The following SORCS3 variants were observed in gnomAD, a reference collection of about 807,000 sequenced individuals.
SORCS3 encodes the protein sortilin related VPS10 domain containing receptor 3, also known as VPS10 domain-containing receptor SorCS3.
Under a neutral mutation model 146.3 loss-of-function variants are expected in SORCS3, and 57 were observed. That is an observed-to-expected ratio of 0.39 (90% CI 0.31 to 0.49). SORCS3 has a LOEUF of 0.49. Ranked by LOEUF, SORCS3 falls within the 20% of genes least tolerant of loss-of-function variation. The probability of loss-of-function intolerance (pLI) is 0.92; values close to 1 mark genes in which losing one functional copy is unlikely to be tolerated. For synonymous variants in SORCS3, 653 were observed against 618.5 expected (o/e 1.06, Z -0.83); for missense variants, 1,341 against 1,575.5 (o/e 0.85, Z 2.52).
chr10:105,172,978 A>G (rs980267974), intron 13 of SORCS3, among the ~76,000 whole-genome samples: 2 of 151,798 alleles, frequency 1.3e-5, no homozygotes, highest in Admixed American at 6.6e-5. Context: ...TTTTTTTTGT[A>G]TTAAGTATTC....
chr10:105,235,729 G>C (rs1220626662), intron 20 of SORCS3, among the ~76,000 whole-genome samples: 1 of 151,942 alleles, frequency 6.6e-6, no homozygotes, highest in Admixed American at 6.6e-5. Context: ...GCACGATATA[G>C]TGGACAGAAC....
intron 1 of SORCS3, 147 bp from the exon 2 acceptor site, chr10:104,842,645 A>G (rs1026435034): frequency 6.7e-6 from 4 of 595,316 alleles, no homozygotes; most frequent in South Asian, 4.7e-5. Flanking sequence ...GCTTAATCCT[A>G]TAATACCCCG....
intron 2 of SORCS3, among the ~76,000 whole-genome samples, chr10:104,850,060 G>A (rs895641510): frequency 6.6e-6 from 1 of 152,162 alleles, no homozygotes; most frequent in Admixed American, 6.5e-5. Context: ...GTGTTAACTC[G>A]GTCTTTATTG....
chr10:104,856,773 A>G (rs977565878), intron 2 of SORCS3, among the ~76,000 whole-genome samples: 5 of 145,210 alleles, frequency 3.4e-5, no homozygotes, highest in African/African-American at 5.0e-5. Context: ...TACATATAAT[A>G]TATAAAAATA....
intron 1 of SORCS3, among the ~76,000 whole-genome samples, chr10:104,688,202 T>G (rs1252105209): frequency 6.6e-6 from 1 of 152,220 alleles, no homozygotes; most frequent in Non-Finnish European, 1.5e-5. Flanking sequence ...CTAGAACAGT[T>G]GCAGGGTCAG....
At chr10:104,757,460 C>T (rs977738750) in intron 1 of SORCS3, among the ~76,000 whole-genome samples, 1 of 152,198 alleles carries the variant, frequency 6.6e-6, no homozygotes, top group Non-Finnish European at 1.5e-5. Context: ...TAGGCAGGTA[C>T]AACAGCAGAG....
At chr10:105,076,057 T>A (rs2055586783) in intron 5 of SORCS3, among the ~76,000 whole-genome samples, 2 of 152,200 alleles carry the variant, frequency 1.3e-5, no homozygotes, top group African/African-American at 4.8e-5. Flanking sequence ...TTCCATAAAG[T>A]GCTTGGAACC....
chr10:104,766,747 C>T (rs56303755), intron 1 of SORCS3, among the ~76,000 whole-genome samples: 5,403 of 152,282 alleles, frequency 0.035, 119 homozygotes, highest in Admixed American at 0.058. Flanking sequence ...AGAGCACACA[C>T]TGGGTCCAAG....
intron 1 of SORCS3, among the ~76,000 whole-genome samples, chr10:104,730,807 G>A (rs375052776): frequency 6.6e-6 from 1 of 152,210 alleles, no homozygotes; most frequent in East Asian, 1.9e-4. Context: ...AAAACCACCA[G>A]ATCTCTTGAG....
chr10:105,085,247 G>A (rs1215356878), intron 5 of SORCS3, among the ~76,000 whole-genome samples: 3 of 152,240 alleles, frequency 2.0e-5, no homozygotes. Flanking sequence ...ACATTGAAAA[G>A]CCCTAGGCTA....
At chr10:104,907,305 C>A (rs2018916390) in intron 2 of SORCS3, among the ~76,000 whole-genome samples, 1 of 152,128 alleles carries the variant, frequency 6.6e-6, no homozygotes, top group Non-Finnish European at 1.5e-5. Flanking sequence ...CCCTTACGTG[C>A]ATGATACAAA....
At chr10:104,777,982 A>G (rs2017328991) in intron 1 of SORCS3, among the ~76,000 whole-genome samples, 1 of 152,052 alleles carries the variant, frequency 6.6e-6, no homozygotes, top group Non-Finnish European at 1.5e-5. Context: ...TAGGGGAGGG[A>G]GGGTTGAAGG....
Position 105,191,844 on chromosome 10 carries a change from C to G in SORCS3, c.2010-8155C>G, listed in dbSNP as rs1431845271. On this transcript the variant is annotated intron_variant, in intron 14 of 26. Transcript: ENST00000369701. The stretch of plus-strand genomic sequence containing the variant: ...AGGAGACAGAGTTCAGGCAGTAATG[C>G]TCGCTCCCTAGCCACTCACCTCCTG... Among the ~76,000 whole-genome samples the G allele has an allele frequency of 2.0e-5, 3 of 152,270 alleles. No homozygotes were observed. The East Asian group carries it at 5.8e-4, about 29-fold the overall frequency.
intron 20 of SORCS3, among the ~76,000 whole-genome samples, chr10:105,229,395 T>C (rs571268808): frequency 7.2e-5 from 11 of 152,344 alleles, no homozygotes; most frequent in African/African-American, 2.6e-4. Context: ...ATTGTGTTCC[T>C]TCAGAGTTGT....
At position 105,164,286 on chromosome 10, in the gene SORCS3, A is replaced by G; in HGVS notation, c.1733-17A>G. On this transcript the variant is annotated splice_polypyrimidine_tract_variant and intron_variant, in intron 11 of 26. Coordinates refer to ENST00000369701, the MANE Select transcript of SORCS3 (RefSeq NM_014978.3). ...GGTAAACTCCTGACAATCTCAAATGATCTGCTTATGTTTCAGGCAACATTG... is the reference window on the plus strand; with the variant it reads ...GGTAAACTCCTGACAATCTCAAATGGTCTGCTTATGTTTCAGGCAACATTG... The G allele has an allele frequency of 6.2e-7, 1 of 1,603,958 alleles. No homozygotes were observed. Among genetic ancestry groups the G allele is most frequent in the African/African-American group, 1.3e-5 (1 of 74,776 alleles).
At chr10:104,866,801 T>G (rs2018463531) in intron 2 of SORCS3, among the ~76,000 whole-genome samples, 1 of 152,214 alleles carries the variant, frequency 6.6e-6, no homozygotes, top group African/African-American at 2.4e-5. Context: ...TCAGGTACTT[T>G]TATTTTTTGC....
intron 2 of SORCS3, among the ~76,000 whole-genome samples, chr10:104,864,690 G>C (rs1341740033): frequency 1.3e-5 from 2 of 152,162 alleles, no homozygotes; most frequent in Non-Finnish European, 2.9e-5. Context: ...ATTAAAGCTT[G>C]AGTGTTAAGG....
intron 3 of SORCS3, among the ~76,000 whole-genome samples, chr10:104,960,419 G>T (rs946362455): frequency 1.3e-5 from 2 of 152,124 alleles, no homozygotes; most frequent in African/African-American, 4.8e-5. Flanking sequence ...TCTGGAAGCT[G>T]GGAAGTCCAA....
At chr10:104,923,958 G>C (rs539117892) in intron 3 of SORCS3, among the ~76,000 whole-genome samples, 1 of 152,150 alleles carries the variant, frequency 6.6e-6, no homozygotes, top group Non-Finnish European at 1.5e-5. Flanking sequence ...TATCCTAAAT[G>C]CTTCCAATGA....
Sources: allele counts gnomAD v4.1 joint callset (sites outside exome capture counted in the v4.1 genomes callset), GRCh38; gene constraint gnomAD v4.1.1; transcripts MANE v1.5; gene names NCBI Gene and HGNC (gene_info 2026-07-23, HGNC 2026-07-21).